TRIP12: variants seen among roughly 807,000 people sequenced by gnomAD.
The protein encoded by TRIP12 is E3 ubiquitin-protein ligase TRIP12.
In TRIP12, 25 loss-of-function variants were observed where a neutral mutation model predicts 244.2. That is an observed-to-expected ratio of 0.10 (90% CI 0.07 to 0.14). The LOEUF (loss-of-function observed/expected upper bound fraction) is 0.14, where lower values mean the gene tolerates loss of function less well. TRIP12 is among the 10% of genes least tolerant of loss of function. TRIP12 has a pLI of 1.00. For missense variants in TRIP12, 1,677 were observed against 2,486.4 expected (o/e 0.67, Z 6.92); for synonymous variants, 905 against 873.1 (o/e 1.04, Z -0.64).
intron 6 of TRIP12, among the ~76,000 whole-genome samples, chr2:229,833,377 T>A (rs2053945299): frequency 6.6e-6 from 1 of 152,170 alleles, no homozygotes; most frequent in African/African-American, 2.4e-5. Context: ...AACTTCCGCC[T>A]CCAGGGCTCA....
At chr2:229,770,257 T>C (rs2033740121) in intron 39 of TRIP12, among the ~76,000 whole-genome samples, 1 of 152,224 alleles carries the variant, frequency 6.6e-6, no homozygotes, top group African/African-American at 2.4e-5. Context: ...GCTAAGTCAC[T>C]GTGCCCAGCC....
At chr2:229,865,924 A>AT (rs2061442265) in intron 2 of TRIP12, among the ~76,000 whole-genome samples, 1 of 152,194 alleles carries the variant, frequency 6.6e-6, no homozygotes, top group Admixed American at 6.5e-5. Context: ...AAATGATTCT[A>AT]TAATTTAAAG....
intron 1 of TRIP12, among the ~76,000 whole-genome samples, chr2:229,886,105 C>A (rs1576647180): frequency 6.6e-6 from 1 of 152,078 alleles, no homozygotes. Flanking sequence ...ACCACTGGGA[C>A]AGTTTATTAT....
chr2:229,908,593 G>A (rs897828646), intron 1 of TRIP12, among the ~76,000 whole-genome samples: 5 of 151,896 alleles, frequency 3.3e-5, no homozygotes, highest in African/African-American at 1.2e-4. Flanking sequence ...TTAGCCGGGC[G>A]TGGTGGCGGG....
intron 1 of TRIP12, among the ~76,000 whole-genome samples, chr2:229,900,437 A>C (rs1442119781): frequency 1.3e-5 from 2 of 152,246 alleles, no homozygotes; most frequent in African/African-American, 2.4e-5. Context: ...ATTTCTTCCT[A>C]AAGAGAAATC....
chr2:229,799,875 A>G (rs2154267120), intron 21 of TRIP12, among the ~76,000 whole-genome samples: 1 of 152,328 alleles, frequency 6.6e-6, no homozygotes, highest in East Asian at 1.9e-4. Context: ...AGACACAGCA[A>G]ATGATTATTC....
At chr2:229,856,667 G>A (rs1358057200) in intron 4 of TRIP12, among the ~76,000 whole-genome samples, 3 of 151,488 alleles carry the variant, frequency 2.0e-5, no homozygotes, top group African/African-American at 7.4e-5. Context: ...CTGGCTCACT[G>A]GCTGTGAATA....
Position 229,815,229 on chromosome 2 carries a change from A to T in TRIP12, c.1636-35T>A, listed in dbSNP as rs367651502. The T allele has an allele frequency of 1.1e-5, 18 of 1,578,740 alleles. No homozygotes were observed. In the African/African-American group the frequency reaches 2.4e-4, roughly 21 times the overall value. On this transcript the variant is annotated intron_variant, in intron 10 of 41. Coordinates refer to ENST00000675903, the MANE Select transcript of TRIP12 (RefSeq NM_001348323.3). The stretch of plus-strand genomic sequence containing the variant: ...AAGAGATTTTAATGAGTAAAAACTC[A>T]AAACTTAAATATACACCATTAAAAA...
At position 229,803,705 on chromosome 2, in the gene TRIP12, A is replaced by G. The variant is rs754800410; in HGVS notation, c.2880-16T>C. 3.2e-6 allele frequency: 5 copies of G among 1,556,274 alleles called. No individual in the cohort carries two copies. In the Admixed American group the frequency reaches 9.5e-5, roughly 30 times the overall value. ...AGCAATGTGACTAAAAAAAGAAAGC[A>G]TTTGTATATAAAACTCTGCCTGAAT... On this transcript the variant is annotated splice_polypyrimidine_tract_variant and intron_variant, in intron 19 of 41. Transcript: ENST00000675903.
chr2:229,789,381 T>C (rs1410896546), intron 31 of TRIP12, among the ~76,000 whole-genome samples: 1 of 152,236 alleles, frequency 6.6e-6, no homozygotes, highest in Non-Finnish European at 1.5e-5. Context: ...GTAGCTTAAT[T>C]TCATAAATTT....
intron 2 of TRIP12, among the ~76,000 whole-genome samples, chr2:229,874,423 T>G (rs1173840280): frequency 6.6e-6 from 1 of 152,196 alleles, no homozygotes; most frequent in African/African-American, 2.4e-5. Flanking sequence ...TTTTCAAGAA[T>G]TCGACTTGAT....
At chr2:229,852,013 G>T (rs2058808251) in intron 4 of TRIP12, among the ~76,000 whole-genome samples, 1 of 152,154 alleles carries the variant, frequency 6.6e-6, no homozygotes, top group South Asian at 2.1e-4. Context: ...CGTGCTAGGG[G>T]CCCAAAGCAC....
At chr2:229,853,911 GATA>G (rs1461426306) in intron 4 of TRIP12, among the ~76,000 whole-genome samples, 3 of 152,094 alleles carry the variant, frequency 2.0e-5, no homozygotes, top group Admixed American at 1.3e-4. Context: ...ACTATGAGGA[GATA>G]ATATTTTTTA....
At chr2:229,864,045 A>AGAGT (rs1209849024) in intron 2 of TRIP12, among the ~76,000 whole-genome samples, 14 of 67,268 alleles carry the variant, frequency 2.1e-4, no homozygotes, top group South Asian at 1.8e-3. Flanking sequence ...AGAGAGAGAG[A>AGAGT]GAGTGTGTGT....
intron 1 of TRIP12, among the ~76,000 whole-genome samples, chr2:229,884,971 AAAAC>A (rs1472157253): frequency 6.6e-6 from 1 of 152,208 alleles, no homozygotes; most frequent in Non-Finnish European, 1.5e-5. Context: ...CCGTCTCAAA[AAAAC>A]AAACAAACAA....
rs2057022093 is a variant in TRIP12 at position 229,843,815 on chromosome 2, C to T, written c.1028-2888G>A. On this transcript the variant is annotated intron_variant, in intron 4 of 41. Transcript: ENST00000675903. Reference sequence around the variant, plus strand: ...CTGACGCGGGAGGATCCCTTAAGCCCAGGAGTCCAAGGCCATAGATTACAC... The same window carrying T: ...CTGACGCGGGAGGATCCCTTAAGCCTAGGAGTCCAAGGCCATAGATTACAC... 3.9e-5 allele frequency among the ~76,000 whole-genome samples: 6 copies of T among 152,012 alleles called. No individual in the cohort carries two copies. The South Asian group carries it at 1.2e-3, about 32-fold the overall frequency.
intron 2 of TRIP12, among the ~76,000 whole-genome samples, chr2:229,869,256 G>C (rs1559996934): frequency 1.3e-5 from 2 of 152,218 alleles, no homozygotes; most frequent in East Asian, 3.9e-4. Flanking sequence ...CAGTAAAAAA[G>C]AAAGTCACAT....
intron 1 of TRIP12, chr2:229,894,330 A>T (rs1006967278): frequency 1.3e-5 from 2 of 152,120 alleles, no homozygotes; most frequent in Non-Finnish European, 2.9e-5. Flanking sequence ...CAAGCTTTTT[A>T]AAAAAAGTCT....
intron 1 of TRIP12, among the ~76,000 whole-genome samples, chr2:229,909,594 C>T (rs2073850441): frequency 6.6e-6 from 1 of 151,238 alleles, no homozygotes; most frequent in Admixed American, 6.6e-5. Context: ...TGGCTCATGC[C>T]TATAATTCCA....
Sources: allele counts gnomAD v4.1 joint callset (sites outside exome capture counted in the v4.1 genomes callset), GRCh38; gene constraint gnomAD v4.1.1; transcripts MANE v1.5; gene names NCBI Gene and HGNC (gene_info 2026-07-23, HGNC 2026-07-21).